RBFOX1: variants seen among roughly 807,000 people sequenced by gnomAD.
RBFOX1 encodes the protein RNA binding protein fox-1 homolog 1.
RBFOX1 carries 8 observed loss-of-function variants against 57.7 expected under a neutral mutation model. The observed-to-expected ratio is 0.14, with a 90% CI of 0.08 to 0.25. The LOEUF is 0.25. RBFOX1 is among the 10% of genes least tolerant of loss of function. The pLI, the probability that RBFOX1 is intolerant of heterozygous loss-of-function variation, is 1.00. For synonymous variants in RBFOX1, 326 were observed against 222.4 expected (o/e 1.47, Z -4.15); for missense variants, 611 against 548.5 (o/e 1.11, Z -1.14).
chr16:6,831,547 T>G (rs980616461), intron 3 of RBFOX1, among the ~76,000 whole-genome samples: 1 of 152,220 alleles, frequency 6.6e-6, no homozygotes, highest in African/African-American at 2.4e-5. Context: ...GAACATTACA[T>G]CTAAAGATGG....
intron 1 of RBFOX1, among the ~76,000 whole-genome samples, chr16:6,281,004 TA>T (rs1306931253): frequency 6.6e-6 from 1 of 151,758 alleles, no homozygotes; most frequent in Non-Finnish European, 1.5e-5. Flanking sequence ...TGTATATATG[TA>T]TATATATATG....
chr16:5,254,940 G>A (rs144498524), intron 1 of RBFOX1, among the ~76,000 whole-genome samples: 73 of 152,278 alleles, frequency 4.8e-4, no homozygotes, highest in South Asian at 2.1e-3. Flanking sequence ...CCACTGTTGG[G>A]GAAGTCTTGA....
chr16:6,168,186 G>C (rs2096931676), intron 1 of RBFOX1, among the ~76,000 whole-genome samples: 1 of 152,140 alleles, frequency 6.6e-6, no homozygotes, highest in Non-Finnish European at 1.5e-5. Context: ...CATCAACCCT[G>C]ATATACGTTG....
chr16:6,817,051 T>A (rs1045268983), intron 3 of RBFOX1, among the ~76,000 whole-genome samples: 8 of 152,086 alleles, frequency 5.3e-5, no homozygotes, highest in African/African-American at 1.9e-4. Flanking sequence ...CTCAGCCTCT[T>A]TGACATAATT....
intron 14 of RBFOX1, among the ~76,000 whole-genome samples, chr16:7,687,417 T>G (rs2076297937): frequency 6.6e-6 from 1 of 152,026 alleles, no homozygotes; most frequent in Non-Finnish European, 1.5e-5. Flanking sequence ...GATATGAGCA[T>G]AGCATCAGAC....
At chr16:6,563,157 G>A (rs1192275782) in intron 2 of RBFOX1, among the ~76,000 whole-genome samples, 1 of 152,052 alleles carries the variant, frequency 6.6e-6, no homozygotes, top group Admixed American at 6.6e-5. Flanking sequence ...TGGTTCCTGT[G>A]TTGTCGTCCT....
intron 4 of RBFOX1, among the ~76,000 whole-genome samples, chr16:7,446,170 A>G (rs769813340): frequency 2.0e-5 from 3 of 152,226 alleles, no homozygotes; most frequent in Non-Finnish European, 2.9e-5. Context: ...GTCATTGACA[A>G]ATAGGGCTTT....
At chr16:6,719,365 A>G (rs2065474658) in intron 3 of RBFOX1, among the ~76,000 whole-genome samples, 1 of 152,196 alleles carries the variant, frequency 6.6e-6, no homozygotes, top group Admixed American at 6.5e-5. Context: ...TGTTAAAATT[A>G]TCAGGGAATA....
chr16:7,115,075 C>G (rs1006934739), intron 4 of RBFOX1, among the ~76,000 whole-genome samples: 4 of 152,168 alleles, frequency 2.6e-5, no homozygotes, highest in African/African-American at 9.7e-5. Flanking sequence ...AAAAATATTC[C>G]AAAGCCTTTG....
Position 5,351,885 on chromosome 16 carries a change from C to T in RBFOX1, c.219+111780C>T, listed in dbSNP as rs563337867. The stretch of plus-strand genomic sequence containing the variant: ...ATGGCACAATCTTGGCTCACTGCAG[C>T]CTCTACCTCCTGGGTTCAAGCGATT... On this transcript the variant is annotated intron_variant, in intron 1 of 2. Transcript: ENST00000585867. Among the ~76,000 whole-genome samples the T allele has an allele frequency of 4.6e-5, 7 of 152,298 alleles. No individual in the cohort carries two copies. The South Asian group carries it at 1.5e-3, about 32-fold the overall frequency.
chr16:6,653,735 T>C (rs1293302037), intron 2 of RBFOX1, among the ~76,000 whole-genome samples: 1 of 150,222 alleles, frequency 6.7e-6, no homozygotes, highest in Non-Finnish European at 1.5e-5. Flanking sequence ...AGAGGATGGA[T>C]AGATGGATGG....
intron 2 of RBFOX1, among the ~76,000 whole-genome samples, chr16:6,365,069 A>G (rs1042116324): frequency 1.3e-5 from 2 of 149,308 alleles, no homozygotes; most frequent in Non-Finnish European, 3.0e-5. Context: ...ATCAAAACTG[A>G]TGAGCCCAAA....
chr16:7,469,278 G>C (rs1181511228), intron 4 of RBFOX1, among the ~76,000 whole-genome samples: 1 of 151,834 alleles, frequency 6.6e-6, no homozygotes, highest in Non-Finnish European at 1.5e-5. Flanking sequence ...CGGTCAGGCT[G>C]GTCTCGAACC....
intron 2 of RBFOX1, among the ~76,000 whole-genome samples, chr16:6,429,538 T>G (rs902281887): frequency 6.6e-6 from 1 of 152,230 alleles, no homozygotes; most frequent in Admixed American, 6.5e-5. Context: ...ATAAATATTA[T>G]GTCAATGCCT....
At chr16:6,136,753 A>G (rs1446089821) in intron 1 of RBFOX1, among the ~76,000 whole-genome samples, 2 of 152,200 alleles carry the variant, frequency 1.3e-5, no homozygotes, top group Non-Finnish European at 1.5e-5. Flanking sequence ...ATGCATCACA[A>G]GCCGACATTT....
intron 2 of RBFOX1, among the ~76,000 whole-genome samples, chr16:6,537,188 C>G (rs185713184): frequency 7.2e-5 from 11 of 152,216 alleles, no homozygotes; most frequent in Admixed American, 6.5e-4. Context: ...TTTCGTAGGT[C>G]TGGGTGGAGC....
At chr16:6,573,613 G>C (rs2097375720) in intron 2 of RBFOX1, among the ~76,000 whole-genome samples, 1 of 152,184 alleles carries the variant, frequency 6.6e-6, no homozygotes, top group African/African-American at 2.4e-5. Context: ...TTTTGGAGAG[G>C]TAGAAAAACT....
chr16:7,132,012 T>C (rs1266165344), intron 4 of RBFOX1, among the ~76,000 whole-genome samples: 2 of 150,866 alleles, frequency 1.3e-5, no homozygotes, highest in Non-Finnish European at 3.0e-5. Context: ...TTTTTTTTTT[T>C]TTTGAGTGTC....
intron 1 of RBFOX1, among the ~76,000 whole-genome samples, chr16:5,431,644 G>A (rs1012995763): frequency 1.3e-5 from 2 of 152,112 alleles, no homozygotes; most frequent in African/African-American, 4.8e-5. Context: ...AAGTGCTGGG[G>A]TTACAGGTGT....
Sources: allele counts gnomAD v4.1 joint callset (sites outside exome capture counted in the v4.1 genomes callset), GRCh38; gene constraint gnomAD v4.1.1; transcripts MANE v1.5; gene names NCBI Gene and HGNC (gene_info 2026-07-23, HGNC 2026-07-21).